Variants in CATSPERB observed in about 807,000 individuals in gnomAD.
The protein encoded by CATSPERB is cation channel sperm-associated auxiliary subunit beta.
A neutral mutation model predicts 128.3 loss-of-function variants in CATSPERB; 93 were observed. The ratio of observed to expected loss-of-function variants is 0.72; its 90% CI spans 0.61 to 0.86. The LOEUF is 0.86. Among genes scored for constraint, CATSPERB ranks in the 40% least tolerant of loss-of-function variants. The pLI is 0.00. For synonymous variants in CATSPERB, 381 were observed against 448.8 expected, an observed-to-expected ratio of 0.85 and a Z score of 1.91; for missense variants, 1,153 against 1,329.5, an observed-to-expected ratio of 0.87 and a Z score of 2.06.
chr14:91,636,432 G>A lies in CATSPERB; in HGVS notation c.1735C>T (p.His579Tyr), dbSNP rs953556827. The A allele has an allele frequency of 3.7e-6, 6 of 1,613,746 alleles. No individual in the cohort carries two copies. Among genetic ancestry groups the A allele is most frequent in the Non-Finnish European group, 4.2e-6 (5 of 1,179,838 alleles). The change falls in exon 17 of 27, where the codon CAC becomes TAC. Residue 579 changes from histidine (H) to tyrosine (Y), a missense_variant. His to Tyr is a moderately conservative substitution (Grantham distance 83). Coordinates refer to ENST00000256343, the MANE Select transcript of CATSPERB (RefSeq NM_024764.4). ...ATAAATGCATATCACTACCCAGAGT[G>A]TATCACTTTTCCATAGTGTATATTG... Reference protein sequence around the residue: ...FGNIHYGKVIHSGKTGRAYIR... With the variant: ...FGNIHYGKVIYSGKTGRAYIR...
intron 14 of CATSPERB, among the ~76,000 whole-genome samples, chr14:91,662,263 C>T (rs578092772): frequency 4.6e-4 from 70 of 152,136 alleles, no homozygotes; most frequent in African/African-American, 1.6e-3. Context: ...TAACATAATG[C>T]TTAATTTTAC....
At chr14:91,696,835 C>A (rs1321467573) in intron 7 of CATSPERB, among the ~76,000 whole-genome samples, 1 of 152,106 alleles carries the variant, frequency 6.6e-6, no homozygotes, top group East Asian at 1.9e-4. Context: ...TTGATTGCAG[C>A]AGAGATATTT....
intron 26 of CATSPERB, among the ~76,000 whole-genome samples, chr14:91,585,892 C>G (rs1893288456): frequency 1.3e-5 from 2 of 152,106 alleles, no homozygotes; most frequent in Non-Finnish European, 1.5e-5. Context: ...CTGGAAAATG[C>G]TGATTATTTA....
intron 15 of CATSPERB, among the ~76,000 whole-genome samples, chr14:91,650,707 T>TCCATCCAC (rs10628322): frequency 2.5e-4 from 38 of 151,540 alleles, no homozygotes; most frequent in Non-Finnish European, 4.1e-4. Context: ...CATCCATCCA[T>TCCATCCAC]CCACCCACCC....
intron 17 of CATSPERB, among the ~76,000 whole-genome samples, chr14:91,633,831 TAG>T (rs886902965): frequency 2.7e-5 from 4 of 150,302 alleles, no homozygotes; most frequent in East Asian, 3.9e-4. Context: ...TATATATATA[TAG>T]AGAGAGAGAG....
chr14:91,682,990 C>T (rs1421722976), intron 11 of CATSPERB, among the ~76,000 whole-genome samples: 1 of 152,176 alleles, frequency 6.6e-6, no homozygotes, highest in Non-Finnish European at 1.5e-5. Context: ...CTAACCTATG[C>T]ATGCATTGGA....
At chr14:91,607,963 T>C (rs1042542905) in intron 22 of CATSPERB, among the ~76,000 whole-genome samples, 4 of 152,194 alleles carry the variant, frequency 2.6e-5, no homozygotes, top group Non-Finnish European at 5.9e-5. Flanking sequence ...GGCAGTTTTC[T>C]TCCCTCTTGG....
rs760324197 is a variant in CATSPERB, at chr14:91,659,867, G to A, written c.1402C>T (p.Gln468Ter). ...TTTGTCGAGTAAACCTTTCCACGTT[G>A]AGAAACAAAAGTAATAGCTGATGTA... ...FYTSAITFVS[Q>*]RGKVYSTKAG... Residue 468 changes from glutamine (Q) to a stop codon, truncating the protein, a stop_gained, in exon 15 of 27, where the codon CAA becomes TAA. Coordinates refer to ENST00000256343, the MANE Select transcript of CATSPERB (RefSeq NM_024764.4). LOFTEE classifies it high-confidence loss of function. 2 of 1,606,050 alleles carry A rather than the reference G, an allele frequency of 1.2e-6. No individual in the cohort carries two copies. The highest frequency in any genetic ancestry group is 1.1e-5 in the South Asian group (1 of 89,050).
intron 14 of CATSPERB, among the ~76,000 whole-genome samples, chr14:91,667,531 ATTC>A (rs1292589946): frequency 6.6e-6 from 1 of 152,176 alleles, no homozygotes; most frequent in African/African-American, 2.4e-5. Flanking sequence ...GCCAAGGCAT[ATTC>A]TTCTTATGTG....
In CATSPERB at chr14:91,580,916, C is replaced by A. The variant is rs763803910; in HGVS notation, c.3324G>T (p.Leu1108=). The change falls in exon 27 of 27, where the codon CTG becomes CTT. Residue 1108 remains leucine (L), a synonymous_variant. Coordinates refer to ENST00000256343, the MANE Select transcript of CATSPERB (RefSeq NM_024764.4). The part of the protein sequence containing the change: ...EKFSSISLSE[L]IHRSKSEE Reference sequence around the variant, plus strand: ...ACTCTTCAGACTTTGATCTATGAATCAGCTCACTGAGAGAGATACTTGAAA... The same window carrying A: ...ACTCTTCAGACTTTGATCTATGAATAAGCTCACTGAGAGAGATACTTGAAA... The A allele has an allele frequency of 1.2e-6, 2 of 1,614,134 alleles. 1 individual carries two copies. The highest frequency in any genetic ancestry group is 2.2e-5 in the South Asian group (2 of 91,080).
chr14:91,610,465 G>T lies in CATSPERB; in HGVS notation c.2598+15C>A. The T allele has an allele frequency of 1.3e-6, 2 of 1,575,306 alleles. No individual in the cohort carries two copies. The highest frequency in any genetic ancestry group is 1.7e-6 in the Non-Finnish European group (2 of 1,148,794). ...ATTGCTTCTTAAACCAATATACTTA[G>T]ATTTTTTTTTTTACCGGCAAAGTTT... On this transcript the variant is annotated intron_variant, in intron 21 of 26. Transcript: ENST00000256343.
At chr14:91,596,648 A>C (rs951712671) in intron 22 of CATSPERB, among the ~76,000 whole-genome samples, 4 of 152,248 alleles carry the variant, frequency 2.6e-5, no homozygotes, top group Admixed American at 2.6e-4. Context: ...TAATTTTAAC[A>C]TAACAATTAT....
At chr14:91,697,627 T>A (rs1024430761) in intron 7 of CATSPERB, among the ~76,000 whole-genome samples, 3 of 152,206 alleles carry the variant, frequency 2.0e-5, no homozygotes, top group Admixed American at 6.5e-5. Context: ...GCACCATTTA[T>A]TGAATAGGGT....
At position 91,729,389 on chromosome 14, in the gene CATSPERB, T is replaced by A; in HGVS notation, c.79+12A>T. 8.1e-7 allele frequency: 1 copy of A among 1,235,854 alleles called. No homozygotes were observed. Among genetic ancestry groups the A allele is most frequent in the Non-Finnish European group, 1.1e-6 (1 of 870,740 alleles). 76.6% of individuals were successfully genotyped at this position (1,235,854 alleles called of 1,614,324 possible). A position where few individuals can be genotyped will look rare whatever the true frequency, so the allele number is the denominator to read the frequency against. ...GAGAAGGAAATAGAGAGTAAGATGG[T>A]CTGAAACTTACCTTTATTATATACT... On this transcript the variant is annotated intron_variant, in intron 2 of 26. Transcript: ENST00000256343.
At chr14:91,621,260 G>A (rs957306829) in intron 19 of CATSPERB, among the ~76,000 whole-genome samples, 3 of 152,034 alleles carry the variant, frequency 2.0e-5, no homozygotes, top group Non-Finnish European at 2.9e-5. Context: ...AAAACTAGCC[G>A]GGAGTGGTGT....
intron 22 of CATSPERB, among the ~76,000 whole-genome samples, chr14:91,596,252 G>T (rs1893503595): frequency 6.6e-6 from 1 of 151,972 alleles, no homozygotes; most frequent in Admixed American, 6.6e-5. Context: ...CACCCAGGCT[G>T]GAGTGCAGTG....
chr14:91,683,808 T>A, intron 11 of CATSPERB, 69 bp downstream of exon 11: 1 of 982,130 alleles, frequency 1.0e-6, no homozygotes, highest in South Asian at 1.6e-5. Flanking sequence ...TTCCAAAGGC[T>A]GAGCTTGCAT....
chr14:91,662,705 C>T (rs1348317367), intron 14 of CATSPERB, among the ~76,000 whole-genome samples: 2 of 152,188 alleles, frequency 1.3e-5, no homozygotes, highest in Non-Finnish European at 2.9e-5. Flanking sequence ...ACACTTTCAA[C>T]ATTTTGTATC....
intron 22 of CATSPERB, among the ~76,000 whole-genome samples, chr14:91,594,405 C>A (rs574491688): frequency 8.6e-5 from 13 of 151,420 alleles, no homozygotes; most frequent in South Asian, 8.3e-4. Context: ...TGCAGCACAC[C>A]AACATGGCAC....
Sources: allele counts gnomAD v4.1 joint callset (sites outside exome capture counted in the v4.1 genomes callset), GRCh38; gene constraint gnomAD v4.1.1; transcripts MANE v1.5; gene names NCBI Gene and HGNC (gene_info 2026-07-23, HGNC 2026-07-21).